The following ROBO2 variants were observed in gnomAD, a reference collection of about 807,000 sequenced individuals.
ROBO2 encodes the protein roundabout homolog 2.
Under a neutral mutation model 160.8 loss-of-function variants are expected in ROBO2, and 53 were observed. That is an observed-to-expected ratio of 0.33 (90% CI 0.26 to 0.41). The LOEUF (loss-of-function observed/expected upper bound fraction) is 0.41. Among genes scored for constraint, ROBO2 ranks in the 10% least tolerant of loss-of-function variants. The probability of loss-of-function intolerance (pLI) is 1.00; values close to 1 mark genes in which losing one functional copy is unlikely to be tolerated. For synonymous variants in ROBO2, 664 were observed against 611.7 expected (o/e 1.09, Z -1.26); for missense variants, 1,577 against 1,722.4 (o/e 0.92, Z 1.49).
intron 1 of ROBO2, among the ~76,000 whole-genome samples, chr3:75,925,665 A>T (rs1179195773): frequency 1.3e-5 from 2 of 152,214 alleles, no homozygotes. Context: ...GCAACTGGAT[A>T]CTCAATTATA....
Position 76,791,536 on chromosome 3 carries a change from A to T in ROBO2, c.110-306478A>T, listed in dbSNP as rs145243672. Among the ~76,000 whole-genome samples the T allele has an allele frequency of 6.0e-3, 908 of 150,650 alleles. 7 individuals carry two copies. Among genetic ancestry groups the T allele is most frequent in the African/African-American group, 0.019 (794 of 41,100 alleles). ...TTCACACACTCTCTCTCTCTCTCTCACACACACATACACACACTGACACCA... is the reference window on the plus strand; with the variant it reads ...TTCACACACTCTCTCTCTCTCTCTCTCACACACATACACACACTGACACCA... On this transcript the variant is annotated intron_variant, in intron 2 of 26. Coordinates refer to the ROBO2 transcript ENST00000487694.
At chr3:76,773,428 A>G (rs1197331556) in intron 2 of ROBO2, among the ~76,000 whole-genome samples, 3 of 151,068 alleles carry the variant, frequency 2.0e-5, no homozygotes, top group Non-Finnish European at 4.5e-5. Flanking sequence ...GTGACTGACA[A>G]GATTTCCATA....
At chr3:75,921,603 C>T (rs1947057582) in intron 1 of ROBO2, among the ~76,000 whole-genome samples, 1 of 152,028 alleles carries the variant, frequency 6.6e-6, no homozygotes, top group Non-Finnish European at 1.5e-5. Flanking sequence ...GTTTGTAATG[C>T]TTTCAATGCA....
intron 2 of ROBO2, among the ~76,000 whole-genome samples, chr3:77,143,340 A>G (rs766869053): frequency 6.6e-6 from 1 of 151,606 alleles, no homozygotes; most frequent in Non-Finnish European, 1.5e-5. Flanking sequence ...GACTGCAGGC[A>G]TGCACCACCA....
chr3:76,099,704 T>G (rs1355497863), intron 2 of ROBO2, among the ~76,000 whole-genome samples: 6 of 152,198 alleles, frequency 3.9e-5, no homozygotes, highest in Non-Finnish European at 8.8e-5. Context: ...AATTTCTGAT[T>G]TTTTTCTCTA....
chr3:76,495,660 T>G (rs545516091), intron 2 of ROBO2, among the ~76,000 whole-genome samples: 59 of 152,238 alleles, frequency 3.9e-4, no homozygotes, highest in Admixed American at 1.2e-3. Context: ...GGAAGAAACA[T>G]GGACAACAAG....
chr3:77,549,299 A>G (rs1032727161), intron 7 of ROBO2, among the ~76,000 whole-genome samples: 1 of 152,016 alleles, frequency 6.6e-6, no homozygotes, highest in African/African-American at 2.4e-5. Context: ...TAGTATTCTA[A>G]TGGCTAATTG....
intron 2 of ROBO2, among the ~76,000 whole-genome samples, chr3:77,189,909 T>C (rs1225865165): frequency 6.6e-6 from 1 of 151,898 alleles, no homozygotes; most frequent in Admixed American, 6.6e-5. Context: ...AGTTCAAGGT[T>C]TCCCAGATGT....
chr3:76,416,234 T>C (rs894677775), intron 2 of ROBO2, among the ~76,000 whole-genome samples: 1 of 152,264 alleles, frequency 6.6e-6, no homozygotes, highest in South Asian at 2.1e-4. Context: ...CCTGAATGTC[T>C]ATAATAGAAG....
chr3:76,396,672 A>G lies in ROBO2; in HGVS notation c.109+459070A>G, dbSNP rs563985102. Among the ~76,000 whole-genome samples, 191 of 152,334 alleles carry G rather than the reference A, an allele frequency of 1.3e-3. 1 individual carries two copies. The highest frequency in any genetic ancestry group is 4.4e-3 in the African/African-American group (183 of 41,572). On this transcript the variant is annotated intron_variant, in intron 2 of 26. Transcript: ENST00000487694. ...ACAAAAATCACAAGCATTCTTATGC[A>G]CCAATAACAGACAAACAGAGAGCCA...
chr3:76,869,351 T>TG (rs948501664), intron 2 of ROBO2, among the ~76,000 whole-genome samples: 1 of 135,038 alleles, frequency 7.4e-6, no homozygotes. Flanking sequence ...TGTTTTTTTT[T>TG]TTTTTTTTTT....
At chr3:76,148,572 C>T (rs2072010003) in intron 2 of ROBO2, among the ~76,000 whole-genome samples, 1 of 152,086 alleles carries the variant, frequency 6.6e-6, no homozygotes, top group Non-Finnish European at 1.5e-5. Context: ...CAATCAGACT[C>T]CTTCCCACCA....
intron 2 of ROBO2, among the ~76,000 whole-genome samples, chr3:77,168,401 G>A (rs1459264298): frequency 6.6e-6 from 1 of 152,084 alleles, no homozygotes; most frequent in Admixed American, 6.5e-5. Flanking sequence ...GGTAGTATTT[G>A]CCTACTCATA....
At chr3:76,981,050 T>C (rs1157757145) in intron 2 of ROBO2, among the ~76,000 whole-genome samples, 1 of 152,222 alleles carries the variant, frequency 6.6e-6, no homozygotes, top group African/African-American at 2.4e-5. Context: ...TAATGTTCCA[T>C]TGCATGGAAA....
intron 2 of ROBO2, among the ~76,000 whole-genome samples, chr3:77,434,796 A>G (rs904827037): frequency 1.6e-4 from 24 of 152,122 alleles, no homozygotes; most frequent in Non-Finnish European, 3.4e-4. Flanking sequence ...ATTGTGTACC[A>G]TATTACCCTT....
intron 2 of ROBO2, among the ~76,000 whole-genome samples, chr3:77,020,255 A>C (rs1162173690): frequency 6.6e-6 from 1 of 152,190 alleles, no homozygotes; most frequent in Non-Finnish European, 1.5e-5. Context: ...CCACAGACAA[A>C]GCAGTAAAAA....
At chr3:76,202,446 T>C (rs142295014) in intron 2 of ROBO2, among the ~76,000 whole-genome samples, 89 of 152,352 alleles carry the variant, frequency 5.8e-4, no homozygotes, top group African/African-American at 2.1e-3. Flanking sequence ...CTAAATCATG[T>C]ACCTTGTAGA....
intron 1 of ROBO2, 47 bp from the exon 2 acceptor site, chr3:77,097,967 A>G (rs1214982301): frequency 1.8e-5 from 26 of 1,448,354 alleles, no homozygotes; most frequent in Non-Finnish European, 2.4e-5. Flanking sequence ...CCGAGGGTTT[A>G]GATAAGGAAA....
At chr3:77,631,532 A>G (rs1439693056) in intron 23 of ROBO2, 2 of 152,188 alleles carry the variant, frequency 1.3e-5, no homozygotes, top group African/African-American at 4.8e-5. Context: ...TGTGTCATGA[A>G]TTAATGGTAT....
Sources: allele counts gnomAD v4.1 joint callset (sites outside exome capture counted in the v4.1 genomes callset), GRCh38; gene constraint gnomAD v4.1.1; transcripts MANE v1.5; gene names NCBI Gene and HGNC (gene_info 2026-07-23, HGNC 2026-07-21).